Variants in DNAJB6 observed in about 807,000 individuals in gnomAD.
The protein encoded by DNAJB6 is dnaJ homolog subfamily B member 6.
In DNAJB6, 16 loss-of-function variants were observed where a neutral mutation model predicts 42.7. The ratio of observed to expected loss-of-function variants is 0.37; its 90% confidence interval spans 0.25 to 0.57. The LOEUF (loss-of-function observed/expected upper bound fraction) is 0.57, where lower values mean the gene tolerates loss of function less well. Ranked by LOEUF, DNAJB6 falls within the 20% of genes least tolerant of loss-of-function variation. DNAJB6 has a pLI of 0.74. For synonymous variants in DNAJB6, 170 were observed against 163.5 expected (o/e 1.04, Z -0.30); for missense variants, 347 against 416.8 (o/e 0.83, Z 1.46).
intron 5 of DNAJB6, chr7:157,368,794 T>C (rs2117002800): frequency 6.0e-6 from 1 of 165,864 alleles, no homozygotes; most frequent in South Asian, 1.5e-4. Context: ...ACCTCCTTCA[T>C]TGCCTGGAGC....
At chr7:157,383,409 T>A (rs935046398) in intron 6 of DNAJB6, among the ~76,000 whole-genome samples, 4 of 152,210 alleles carry the variant, frequency 2.6e-5, no homozygotes, top group Admixed American at 2.6e-4. Context: ...GTCAGAATTT[T>A]ATTTTCTTTG....
At position 157,353,583 on chromosome 7, in the gene DNAJB6, CG is replaced by C. The variant is rs1216868383; in HGVS notation, c.-26-4960del. ...TGTCTGTCCCGTTGTTTTTCTTGAC[CG>C]GGGTGTGTGTGTGTGTGTGTGTGTG... is the stretch of plus-strand genomic sequence containing the variant. On this transcript the variant is annotated intron_variant, in intron 1 of 9. Coordinates refer to ENST00000262177, the MANE Select transcript of DNAJB6 (RefSeq NM_058246.4). Among the ~76,000 whole-genome samples the C allele has an allele frequency of 5.2e-3, 492 of 95,070 alleles. 3 individuals carry two copies. The highest frequency in any genetic ancestry group is 0.02 in the African/African-American group (469 of 23,018). The allele number at this position is 95,070 out of a possible 152,430, so 62.4% of individuals were successfully genotyped here. A position where few individuals can be genotyped will look rare whatever the true frequency, so the allele number is the denominator to read the frequency against.
At chr7:157,384,485 C>T (rs1298966902) in intron 6 of DNAJB6, among the ~76,000 whole-genome samples, 1 of 152,162 alleles carries the variant, frequency 6.6e-6, no homozygotes, top group Non-Finnish European at 1.5e-5. Flanking sequence ...CTGGTTGGAG[C>T]TTAATACTGG....
chr7:157,408,629 C>T (rs574481691), intron 8 of DNAJB6, among the ~76,000 whole-genome samples: 8 of 152,340 alleles, frequency 5.3e-5, no homozygotes, highest in Admixed American at 1.3e-4. Context: ...CCTCGGAGCC[C>T]GTTCTCTCTG....
intron 5 of DNAJB6, chr7:157,380,926 G>GC: frequency 6.6e-6 from 1 of 152,304 alleles, no homozygotes. Context: ...GGTTTTGGCT[G>GC]CCCACCTGTA....
chr7:157,382,553 T>C, intron 6 of DNAJB6, 176 bp downstream of exon 6: 2 of 439,156 alleles, frequency 4.6e-6, no homozygotes, highest in Non-Finnish European at 7.6e-6. Context: ...CATTTTCTCC[T>C]AATCTTCCTA....
At chr7:157,372,585 C>T (rs1196771370) in intron 5 of DNAJB6, among the ~76,000 whole-genome samples, 1 of 152,194 alleles carries the variant, frequency 6.6e-6, no homozygotes, top group African/African-American at 2.4e-5. Context: ...GTCAGACGAC[C>T]TCAGCTGCCT....
At chr7:157,405,360 G>C (rs1182754283) in intron 8 of DNAJB6, among the ~76,000 whole-genome samples, 6 of 152,214 alleles carry the variant, frequency 3.9e-5, no homozygotes, top group Non-Finnish European at 7.3e-5. Flanking sequence ...CTGTGCGTGA[G>C]GCTGGCTTGT....
At position 157,355,694 on chromosome 7, in the gene DNAJB6, A is replaced by C. The variant is rs113955411; in HGVS notation, c.-26-2853A>C. On this transcript the variant is annotated intron_variant, in intron 1 of 9. Transcript: ENST00000262177. ...GGCTAAGGGTAAGCAGTGCAGGAGG[A>C]GCGCAGAGGTGAGGGCATCCACTCC... Among the ~76,000 whole-genome samples the C allele has an allele frequency of 4.1e-3, 619 of 152,212 alleles. 2 individuals are homozygous for C. The highest frequency in any genetic ancestry group is 0.014 in the African/African-American group (586 of 41,526).
At chr7:157,388,104 C>T (rs1801163985) in intron 8 of DNAJB6, among the ~76,000 whole-genome samples, 1 of 152,158 alleles carries the variant, frequency 6.6e-6, no homozygotes, top group Non-Finnish European at 1.5e-5. Flanking sequence ...CCTTGGCCTC[C>T]CAAAGTGCTG....
intron 8 of DNAJB6, among the ~76,000 whole-genome samples, chr7:157,389,980 A>T (rs955098823): frequency 6.6e-6 from 1 of 152,188 alleles, no homozygotes; most frequent in Non-Finnish European, 1.5e-5. Flanking sequence ...CTGTACCCTG[A>T]TTGGGAGAAG....
At chr7:157,350,162 A>T (rs1030960407) in intron 1 of DNAJB6, among the ~76,000 whole-genome samples, 4 of 152,188 alleles carry the variant, frequency 2.6e-5, no homozygotes, top group South Asian at 2.1e-4. Flanking sequence ...GGGTCTTGTT[A>T]TCTTTTGTTG....
intron 8 of DNAJB6, among the ~76,000 whole-genome samples, chr7:157,407,528 G>C (rs1172611448): frequency 6.6e-6 from 1 of 152,198 alleles, no homozygotes; most frequent in Non-Finnish European, 1.5e-5. Context: ...AGCACCGGCA[G>C]GTTCTGGTTG....
chr7:157,368,588 G>C (rs1028015893), intron 5 of DNAJB6: 3 of 152,450 alleles, frequency 2.0e-5, no homozygotes, highest in Non-Finnish European at 4.4e-5. Context: ...CCTGATGCCT[G>C]GTCCTAGGCG....
At chr7:157,349,905 AG>A (rs993242627) in intron 1 of DNAJB6, among the ~76,000 whole-genome samples, 1 of 152,050 alleles carries the variant, frequency 6.6e-6, no homozygotes, top group Admixed American at 6.6e-5. Context: ...AGCCTCCCAG[AG>A]TGGTGGGATT....
chr7:157,368,310 T>C (rs969543975), intron 5 of DNAJB6, among the ~76,000 whole-genome samples: 1 of 152,218 alleles, frequency 6.6e-6, no homozygotes, highest in African/African-American at 2.4e-5. Context: ...TTGGAAACGT[T>C]GTTTCCCATT....
chr7:157,340,357 A>G (rs1228507284), intron 1 of DNAJB6, among the ~76,000 whole-genome samples: 2 of 152,168 alleles, frequency 1.3e-5, no homozygotes, highest in Admixed American at 6.5e-5. Flanking sequence ...CAGTGGCAGG[A>G]TTTAGCAAAT....
chr7:157,409,722 C>T (rs1351528470), intron 8 of DNAJB6, 73 bp from the exon 9 acceptor site: 2 of 1,429,662 alleles, frequency 1.4e-6, no homozygotes, highest in South Asian at 1.4e-5. Context: ...GGCCAGCTTC[C>T]CTCCCTCTGC....
chr7:157,366,738 G>A (rs137857102), intron 4 of DNAJB6, among the ~76,000 whole-genome samples, 177 bp downstream of exon 4: 139 of 152,256 alleles, frequency 9.1e-4, no homozygotes, highest in African/African-American at 3.0e-3. Flanking sequence ...AGTCTTTTAC[G>A]AGACTAGAAG....
Sources: allele counts gnomAD v4.1 joint callset (sites outside exome capture counted in the v4.1 genomes callset), GRCh38; gene constraint gnomAD v4.1.1; transcripts MANE v1.5; gene names NCBI Gene and HGNC (gene_info 2026-07-23, HGNC 2026-07-21).